Variants in DVL2 observed in about 807,000 individuals in gnomAD.
The protein encoded by DVL2 is dishevelled segment polarity protein 2.
Under a neutral mutation model 69.8 loss-of-function variants are expected in DVL2, and 38 were observed. The ratio of observed to expected loss-of-function variants is 0.54; its 90% CI spans 0.42 to 0.71. The LOEUF (loss-of-function observed/expected upper bound fraction) is 0.71, where lower values mean the gene tolerates loss of function less well. DVL2 is among the 30% of genes least tolerant of loss of function. The pLI, the probability that DVL2 is intolerant of heterozygous loss-of-function variation, is 0.00. For missense variants in DVL2, 931 were observed against 1,008.1 expected, an observed-to-expected ratio of 0.92 and a Z score of 1.04; for synonymous variants, 428 against 392.4, an observed-to-expected ratio of 1.09 and a Z score of -1.07.
In DVL2 at chr17:7,230,773, A is replaced by G; in HGVS notation, c.219T>C (p.Asp73=). The change falls in exon 2 of 15, where the codon GAT becomes GAC. Residue 73 remains aspartate, a synonymous_variant. Transcript: ENST00000005340. ...DFGVVKEEIS[D]DNARLPCFNG... is the part of the protein sequence containing the mutation. ...TGAAGCAGGGGAGGCGGGCGTTGTC[A>G]TCTGAAATTTCTTCCTTCACCACCC... is the stretch of plus-strand genomic sequence containing the variant. The G allele has an allele frequency of 6.2e-7, 1 of 1,613,392 alleles. No individual in the cohort carries two copies. The highest frequency in any genetic ancestry group is 1.1e-5 in the South Asian group (1 of 91,032).
chr17:7,230,857 A>G, intron 1 of DVL2, 60 bp from the exon 2 acceptor site: 1 of 1,317,646 alleles, frequency 7.6e-7, no homozygotes, highest in South Asian at 1.3e-5. Flanking sequence ...CCCGACCCCC[A>G]TCAAACTTTC....
Position 7,234,137 on chromosome 17 carries a change from A to G in DVL2, c.126T>C (p.Asp42=), listed in dbSNP as rs2071596329. 1.2e-6 allele frequency: 2 copies of G among 1,614,136 alleles called. No individual in the cohort carries two copies. Among genetic ancestry groups the G allele is most frequent in the Admixed American group, 1.7e-5 (1 of 60,030 alleles). ...PVPAERITLG[D]FKSVLQRPAG... ...CGGGCCGCTGCAGGACGCTCTTGAAATCGCCGAGGGTGATGCGCTCGGCGG... is the reference window on the plus strand; with the variant it reads ...CGGGCCGCTGCAGGACGCTCTTGAAGTCGCCGAGGGTGATGCGCTCGGCGG... Residue 42 remains aspartate, a synonymous_variant, in exon 1 of 15, where the codon GAT becomes GAC. Coordinates refer to ENST00000005340, the MANE Select transcript of DVL2 (RefSeq NM_004422.3).
chr17:7,227,147 T>C lies in DVL2; in HGVS notation c.1486A>G (p.Thr496Ala). Residue 496 changes from threonine (T) to alanine (A), a missense_variant, in exon 13 of 15, where the codon ACC becomes GCC. Thr to Ala is a moderately conservative substitution (Grantham distance 58, BLOSUM62 0). Transcript: ENST00000005340. ...ACGTAATAGCACTGCTCAGAGAAGG[T>C]GATCTTGTTGACGGTGTGTCGGATC... ...GLIRHTVNKI[T>A]FSEQCYYVFG... The C allele has an allele frequency of 1.2e-6, 2 of 1,614,070 alleles. No homozygotes were observed. Among genetic ancestry groups the C allele is most frequent in the African/African-American group, 1.3e-5 (1 of 75,058 alleles).
Position 7,226,036 on chromosome 17 carries a change from C to T in DVL2, c.2040G>A (p.Met680Ile). Residue 680 changes from methionine (M) to isoleucine (I), a missense_variant, in exon 15 of 15, where the codon ATG becomes ATA. This residue lies in a region of DVL2 where 314 missense variants were observed against 313.7 expected (regional missense o/e 1.00). Coordinates refer to ENST00000005340, the MANE Select transcript of DVL2 (RefSeq NM_004422.3). ...PPGMALPYNP[M>I]MVVMMPPPPP... Reference sequence around the variant, plus strand: ...GAGGTGGGGGCATCATGACCACCATCATGGGGTTGTAGGGGAGGGCCATGC... The same window carrying T: ...GAGGTGGGGGCATCATGACCACCATTATGGGGTTGTAGGGGAGGGCCATGC... 2 of 1,611,572 alleles carry T rather than the reference C, an allele frequency of 1.2e-6. No individual in the cohort carries two copies. Among genetic ancestry groups the T allele is most frequent in the Non-Finnish European group, 1.7e-6 (2 of 1,178,844 alleles).
Position 7,234,221 on chromosome 17 carries a change from C to G in DVL2, c.42G>C (p.Thr14=). ...SSTGGGGVGE[T]KVIYHLDEEE... Reference sequence around the variant, plus strand: ...CCTCATCCAGGTGGTAAATCACCTTCGTCTCCCCAACCCCACCGCCCCCAG... The same window carrying G: ...CCTCATCCAGGTGGTAAATCACCTTGGTCTCCCCAACCCCACCGCCCCCAG... Residue 14 remains threonine (T), a synonymous_variant, in exon 1 of 15, where the codon ACG becomes ACC. Transcript: ENST00000005340. 1.9e-6 allele frequency: 3 copies of G among 1,613,992 alleles called. No individual in the cohort carries two copies. Among genetic ancestry groups the G allele is most frequent in the Non-Finnish European group, 2.5e-6 (3 of 1,179,970 alleles).
intron 1 of DVL2, among the ~76,000 whole-genome samples, chr17:7,231,827 C>T (rs927009071): frequency 1.3e-5 from 2 of 148,468 alleles, no homozygotes; most frequent in Non-Finnish European, 3.0e-5. Context: ...TGCGCCGCTG[C>T]ACTCCAGCCT....
At position 7,230,764 on chromosome 17, in the gene DVL2, G is replaced by A; in HGVS notation, c.228C>T (p.Ala76=). Residue 76 remains alanine (A), a synonymous_variant, in exon 2 of 15, where the codon GCC becomes GCT. Coordinates refer to ENST00000005340, the MANE Select transcript of DVL2 (RefSeq NM_004422.3). Reference sequence around the variant, plus strand: ...CCCTTCCGTTGAAGCAGGGGAGGCGGGCGTTGTCATCTGAAATTTCTTCCT... The same window carrying A: ...CCCTTCCGTTGAAGCAGGGGAGGCGAGCGTTGTCATCTGAAATTTCTTCCT... The part of the protein sequence containing the change: ...VVKEEISDDN[A]RLPCFNGRVV... The A allele has an allele frequency of 6.2e-7, 1 of 1,613,522 alleles. No homozygotes were observed. The highest frequency in any genetic ancestry group is 1.1e-5 in the South Asian group (1 of 91,050).
chr17:7,228,739 G>A (rs939102674), intron 9 of DVL2: 3 of 513,240 alleles, frequency 5.8e-6, no homozygotes, highest in African/African-American at 5.8e-5. Flanking sequence ...GTGCCACCAT[G>A]CCCACTTAAT....
chr17:7,234,062 C>CA lies in DVL2; in HGVS notation c.194+6_194+7insT. 1 of 1,613,664 alleles carries CA rather than the reference C, an allele frequency of 6.2e-7. No homozygotes were observed. Among genetic ancestry groups the CA allele is most frequent in the Non-Finnish European group, 8.5e-7 (1 of 1,179,988 alleles). On this transcript the variant is annotated splice_region_variant and intron_variant, in intron 1 of 14. Transcript: ENST00000005340. ...CCCCGCCGGTCCTATCTAGGCCTTG[C>CA]GCTCACCCGAAATCCTGATCCATAG...
intron 1 of DVL2, among the ~76,000 whole-genome samples, chr17:7,231,382 GA>G (rs1299388580): frequency 2.7e-5 from 4 of 147,034 alleles, no homozygotes; most frequent in Admixed American, 1.4e-4. Flanking sequence ...AGAGTCGCTT[GA>G]ACCCGGGAGA....
In DVL2 at chr17:7,230,476, G is replaced by A. The variant is rs1231482635; in HGVS notation, c.265-46C>T. On this transcript the variant is annotated intron_variant, in intron 2 of 14. Coordinates refer to ENST00000005340, the MANE Select transcript of DVL2 (RefSeq NM_004422.3). ...AACAGTGGCTCACTTGGGAGTCAGG[G>A]TGTGACAGGTGGCAGTAAGTGAAAG... 4.4e-6 allele frequency: 7 copies of A among 1,603,908 alleles called. No individual in the cohort carries two copies. In the Admixed American group the frequency reaches 1.2e-4, roughly 27 times the overall value.
chr17:7,234,409 C>A lies in DVL2; in HGVS notation c.-147G>T. On this transcript the variant is annotated 5_prime_UTR_variant, in exon 1 of 15. Coordinates refer to ENST00000005340, the MANE Select transcript of DVL2 (RefSeq NM_004422.3). Reference sequence around the variant, plus strand: ...GAAGCAAAGGGGAAAAAGCACGGATCTGCGAGGGTGGCGGCGGGGGGCGGG... The same window carrying A: ...GAAGCAAAGGGGAAAAAGCACGGATATGCGAGGGTGGCGGCGGGGGGCGGG... 1.1e-6 allele frequency: 1 copy of A among 939,530 alleles called. No homozygotes were observed. The highest frequency in any genetic ancestry group is 1.5e-6 in the Non-Finnish European group (1 of 659,080). The allele number at this position is 939,530 out of a possible 1,614,324, so 58.2% of individuals were successfully genotyped here. A position where few individuals can be genotyped will look rare whatever the true frequency, so the allele number is the denominator to read the frequency against.
At chr17:7,233,902 C>CATA in intron 1 of DVL2, 167 bp downstream of exon 1, 1 of 736,914 alleles carries the variant, frequency 1.4e-6, no homozygotes, top group Non-Finnish European at 2.3e-6. Context: ...TCTATCCAAG[C>CATA]ATAACCTTGT....
At position 7,229,632 on chromosome 17, in the gene DVL2, G is replaced by A. The variant is rs1358619629; in HGVS notation, c.703C>T (p.Arg235Cys). ...EQSSASRLLK[R>C]HRRRRKQRPP... ...CTCTGCTTCCTTCGCCGCCGGTGGC[G>A]CTTAAGGAGGCGGGAGGCACTGCTC... The change falls in exon 6 of 15, where the codon CGC becomes TGC. Residue 235 changes from arginine to cysteine, a missense_variant. Arg to Cys is a radical substitution (Grantham distance 180). Transcript: ENST00000005340. This position sits in a 1 kb window ranked among gnomAD's most constrained non-coding sequence, Gnocchi z 4.4. 6 of 1,551,676 alleles carry A rather than the reference G, an allele frequency of 3.9e-6. No individual in the cohort carries two copies. Among genetic ancestry groups the A allele is most frequent in the Admixed American group, 3.9e-5 (2 of 51,066 alleles).
In DVL2 at chr17:7,229,955, C is replaced by G; in HGVS notation, c.521-12G>C. 1 of 1,608,092 alleles carries G rather than the reference C, an allele frequency of 6.2e-7. No individual in the cohort carries two copies. The highest frequency in any genetic ancestry group is 8.5e-7 in the Non-Finnish European group (1 of 1,179,740). On this transcript the variant is annotated splice_polypyrimidine_tract_variant and intron_variant, in intron 4 of 14. Coordinates refer to ENST00000005340, the MANE Select transcript of DVL2 (RefSeq NM_004422.3). The surrounding 1 kb of genome is among the most constrained non-coding windows in gnomAD (Gnocchi z 4.4). ...CCTGTGGCCCCCAGCTACATATGGA[C>G]AGGAAGCTCAAGAACCAAGCTTCCC...
chr17:7,230,032 G>C lies in DVL2; in HGVS notation c.520+14C>G. ...CTGGCCCAGCCCTTCCCGGCCCCCAGGCCTGCCCCTCACCGCCATGCTCAC... is the reference window on the plus strand; with the variant it reads ...CTGGCCCAGCCCTTCCCGGCCCCCACGCCTGCCCCTCACCGCCATGCTCAC... On this transcript the variant is annotated intron_variant, in intron 4 of 14. Transcript: ENST00000005340. The C allele has an allele frequency of 1.2e-6, 2 of 1,613,402 alleles. No homozygotes were observed. Among genetic ancestry groups the C allele is most frequent in the South Asian group, 2.2e-5 (2 of 91,080 alleles).
At chr17:7,233,948 C>A in intron 1 of DVL2, 121 bp downstream of exon 1, 1 of 1,065,940 alleles carries the variant, frequency 9.4e-7, no homozygotes, top group Non-Finnish European at 1.4e-6. Context: ...CAGCATAGTA[C>A]AATCTGCTCC....
rs756917420 is a variant in DVL2, at chr17:7,229,316, G to C, written c.818-42C>G. ...TGTGAAAAGAGGAGCCCCTGCCACA[G>C]GACGCCCGGAACCCTAGAGACCAGG... is the stretch of plus-strand genomic sequence containing the variant. On this transcript the variant is annotated intron_variant, in intron 7 of 14. Transcript: ENST00000005340. The surrounding 1 kb of genome is among the most constrained non-coding windows in gnomAD (Gnocchi z 4.4). 1.2e-6 allele frequency: 2 copies of C among 1,613,136 alleles called. No homozygotes were observed. Among genetic ancestry groups the C allele is most frequent in the Non-Finnish European group, 1.7e-6 (2 of 1,179,598 alleles).
Position 7,225,394 on chromosome 17 carries a change from T to TA in DVL2, c.*470dup, listed in dbSNP as rs2071425956. On this transcript the variant is annotated 3_prime_UTR_variant, in exon 15 of 15. Coordinates refer to ENST00000005340, the MANE Select transcript of DVL2 (RefSeq NM_004422.3). ...GTTTTATACAAGTGACTAAAATAAA[T>TA]AGAGTAACAAAGGCAGCTACATGGC... 1.6e-5 allele frequency: 8 copies of TA among 491,450 alleles called. No homozygotes were observed. The highest frequency in any genetic ancestry group is 3.4e-5 in the Admixed American group (1 of 29,750). 30.4% of individuals were successfully genotyped at this position (491,450 alleles called of 1,614,324 possible).
Sources: gnomAD v4.1 joint callset for allele counts (sites outside exome capture counted in the v4.1 genomes callset) on GRCh38, gnomAD v4.1.1 for gene constraint, gnomAD v4.1.1 regional missense constraint, Gnocchi (gnomAD v3.1) non-coding constraint, MANE v1.5 for transcripts, NCBI Gene and HGNC (gene_info 2026-07-23, HGNC 2026-07-21) for gene names.